SRGAP3: variants seen among roughly 807,000 people sequenced by gnomAD.
The protein encoded by SRGAP3 is SLIT-ROBO Rho GTPase activating protein 3.
A neutral mutation model predicts 121.1 loss-of-function variants in SRGAP3; 39 were observed. The ratio of observed to expected loss-of-function variants is 0.32; its 90% confidence interval spans 0.25 to 0.42. The LOEUF is 0.42. SRGAP3 is among the 10% of genes least tolerant of loss of function. The pLI, the probability that SRGAP3 is intolerant of heterozygous loss-of-function variation, is 1.00. For missense variants in SRGAP3, 1,213 were observed against 1,470.6 expected, an observed-to-expected ratio of 0.82 and a Z score of 2.86; for synonymous variants, 601 against 570.0, an observed-to-expected ratio of 1.05 and a Z score of -0.77.
At chr3:9,027,091 TA>T in intron 12 of SRGAP3, 96 bp from the exon 13 acceptor site, 4 of 1,096,114 alleles carry the variant, frequency 3.6e-6, no homozygotes, top group Non-Finnish European at 5.7e-6. Context: ...GCCAGAATAT[TA>T]GTACCATCAG....
chr3:9,151,646 C>G (rs961704180), intron 1 of SRGAP3, among the ~76,000 whole-genome samples: 10 of 152,308 alleles, frequency 6.6e-5, no homozygotes, highest in African/African-American at 2.4e-4. Flanking sequence ...TGGATGGAAA[C>G]AGCAGAGCCA....
chr3:9,154,158 C>T (rs961014433), intron 1 of SRGAP3, among the ~76,000 whole-genome samples: 6 of 152,178 alleles, frequency 3.9e-5, no homozygotes, highest in African/African-American at 1.4e-4. Context: ...AATTAAAGCC[C>T]TGGCTGACAC....
At chr3:9,045,348 T>A (rs1053536494) in intron 10 of SRGAP3, among the ~76,000 whole-genome samples, 10 of 152,102 alleles carry the variant, frequency 6.6e-5, no homozygotes, top group Admixed American at 6.6e-4. Context: ...CCCCTCTACT[T>A]CTGAAAATGC....
At chr3:9,137,435 C>G (rs1371625582) in intron 1 of SRGAP3, among the ~76,000 whole-genome samples, 1 of 152,078 alleles carries the variant, frequency 6.6e-6, no homozygotes, top group Non-Finnish European at 1.5e-5. Context: ...CTGATTCTCA[C>G]CACTACCAGC....
intron 2 of SRGAP3, among the ~76,000 whole-genome samples, chr3:9,112,057 A>G (rs1229097059): frequency 6.6e-6 from 1 of 152,182 alleles, no homozygotes; most frequent in African/African-American, 2.4e-5. Flanking sequence ...TTGCCAAGCT[A>G]GTGAGTTGGG....
intron 3 of SRGAP3, among the ~76,000 whole-genome samples, chr3:9,085,598 A>G (rs999150026): frequency 2.6e-5 from 4 of 152,228 alleles, no homozygotes; most frequent in Non-Finnish European, 4.4e-5. Context: ...AAAAGAAAAT[A>G]TGGTACATAT....
chr3:9,258,177 A>C (rs996898537), intron 3 of SRGAP3, among the ~76,000 whole-genome samples: 5 of 152,142 alleles, frequency 3.3e-5, no homozygotes, highest in African/African-American at 9.7e-5. Context: ...ATGGGATCTC[A>C]TGTAAGGGCA....
At chr3:9,035,288 A>G (rs1399885271) in intron 11 of SRGAP3, 2 of 157,682 alleles carry the variant, frequency 1.3e-5, no homozygotes, top group African/African-American at 4.8e-5. Flanking sequence ...GAAAGTCCTA[A>G]GTGTTTTTTG....
intron 2 of SRGAP3, among the ~76,000 whole-genome samples, chr3:9,111,191 G>A (rs1227978842): frequency 6.6e-6 from 1 of 152,232 alleles, no homozygotes; most frequent in Non-Finnish European, 1.5e-5. Flanking sequence ...CACCTACCAT[G>A]AGCCCACGAA....
chr3:9,144,503 G>A (rs1205962407), intron 1 of SRGAP3, among the ~76,000 whole-genome samples: 1 of 152,304 alleles, frequency 6.6e-6, no homozygotes, highest in South Asian at 2.1e-4. Flanking sequence ...GTATCTCCCA[G>A]AATTCCCACA....
At chr3:9,113,891 C>G (rs1247546225) in intron 2 of SRGAP3, among the ~76,000 whole-genome samples, 1 of 152,158 alleles carries the variant, frequency 6.6e-6, no homozygotes, top group Non-Finnish European at 1.5e-5. Context: ...CCATTAAACC[C>G]CTTTTCTTTA....
chr3:9,101,904 T>TG (rs59810251), intron 3 of SRGAP3, among the ~76,000 whole-genome samples: 53,428 of 152,004 alleles, frequency 0.35, 10,378 homozygotes, highest in Non-Finnish European at 0.45. Context: ...TTTGAAGTGC[T>TG]CCTCTAGTCA....
chr3:9,227,474 T>A (rs1193084272), intron 1 of SRGAP3, among the ~76,000 whole-genome samples: 1 of 152,172 alleles, frequency 6.6e-6, no homozygotes, highest in Non-Finnish European at 1.5e-5. Context: ...GGTGCCCATT[T>A]GAAAGAGGAA....
At position 9,023,066 on chromosome 3, in the gene SRGAP3, GC is replaced by G. The variant is rs569338101; in HGVS notation, c.1678+2194del. Among the ~76,000 whole-genome samples the G allele has an allele frequency of 2.1e-3, 316 of 152,034 alleles. 1 individual carries two copies. The highest frequency in any genetic ancestry group is 7.4e-3 in the African/African-American group (307 of 41,500). On this transcript the variant is annotated intron_variant, in intron 14 of 21. Transcript: ENST00000383836. ...ACCAGAGTAGGGAAAGGGTGGGGTT[GC>G]CCGTGGCAACAAGGTTACATACAGA... is the stretch of plus-strand genomic sequence containing the variant.
intron 1 of SRGAP3, among the ~76,000 whole-genome samples, chr3:9,139,915 G>A (rs1445961991): frequency 6.6e-6 from 1 of 151,900 alleles, no homozygotes; most frequent in Non-Finnish European, 1.5e-5. Flanking sequence ...GAAGGACAGG[G>A]GTATTCTATC....
chr3:9,060,358 CT>C lies in SRGAP3; in HGVS notation c.673del (p.Arg225GlyfsTer10). 1 of 1,613,426 alleles carries C rather than the reference CT, an allele frequency of 6.2e-7. No individual in the cohort carries two copies. The highest frequency in any genetic ancestry group is 8.5e-7 in the Non-Finnish European group (1 of 1,179,756). On this transcript the variant is annotated frameshift_variant and splice_region_variant, in exon 6 of 22. Transcript: ENST00000383836. LOFTEE classifies it high-confidence loss of function. ...VKKIEKMKEK[R>X]QAKYSENKLK... ...CTTGTTCTCAGAGTACTTGGCCTGC[CT>C]CTGGAAGAAGAAAAGAGTAGATGTA... is the stretch of plus-strand genomic sequence containing the variant.
chr3:9,113,805 G>C (rs1026310071), intron 2 of SRGAP3, among the ~76,000 whole-genome samples: 2 of 152,122 alleles, frequency 1.3e-5, no homozygotes, highest in African/African-American at 4.8e-5. Context: ...TCTCTCCCCT[G>C]CTGCCCTGTG....
intron 14 of SRGAP3, among the ~76,000 whole-genome samples, chr3:9,024,087 TG>T (rs1944064038): frequency 6.6e-6 from 1 of 151,896 alleles, no homozygotes; most frequent in Non-Finnish European, 1.5e-5. Flanking sequence ...ATTCTATGGG[TG>T]GAAACACACA....
chr3:9,095,993 G>A (rs563748480), intron 3 of SRGAP3, among the ~76,000 whole-genome samples: 1 of 152,016 alleles, frequency 6.6e-6, no homozygotes, highest in Non-Finnish European at 1.5e-5. Flanking sequence ...GATTTCTTGA[G>A]CCCAGGAGTT....
Sources: allele counts gnomAD v4.1 joint callset (sites outside exome capture counted in the v4.1 genomes callset), GRCh38; gene constraint gnomAD v4.1.1; transcripts MANE v1.5; gene names NCBI Gene and HGNC (gene_info 2026-07-23, HGNC 2026-07-21).